Variants in ZBTB7C observed in about 807,000 individuals in gnomAD.
ZBTB7C encodes zinc finger and BTB domain containing 7C, also known as zinc finger and BTB domain-containing protein 7C.
ZBTB7C carries 8 observed loss-of-function variants against 25.7 expected under a neutral mutation model. That is an observed-to-expected ratio of 0.31 (90% CI 0.18 to 0.56). The LOEUF (loss-of-function observed/expected upper bound fraction) is 0.56. ZBTB7C is among the 20% of genes least tolerant of loss of function. The probability of loss-of-function intolerance (pLI) is 0.91; values close to 1 mark genes in which losing one functional copy is unlikely to be tolerated. For missense variants in ZBTB7C, 824 were observed against 855.2 expected, an observed-to-expected ratio of 0.96 and a Z score of 0.46; for synonymous variants, 394 against 369.0, an observed-to-expected ratio of 1.07 and a Z score of -0.78.
At chr18:48,096,778 G>A (rs775610831) in intron 3 of ZBTB7C, among the ~76,000 whole-genome samples, 11 of 152,218 alleles carry the variant, frequency 7.2e-5, no homozygotes, top group Non-Finnish European at 1.5e-4. Context: ...GCAAAGGAGT[G>A]TGGTGGGCTG....
At chr18:48,404,420 G>A (rs1240026600) in intron 1 of ZBTB7C, among the ~76,000 whole-genome samples, 1 of 152,216 alleles carries the variant, frequency 6.6e-6, no homozygotes, top group Non-Finnish European at 1.5e-5. Flanking sequence ...AGGGAGTGAA[G>A]GGGAGGTCAG....
chr18:48,189,326 G>A (rs1292893414), intron 2 of ZBTB7C, among the ~76,000 whole-genome samples: 3 of 152,182 alleles, frequency 2.0e-5, no homozygotes, highest in East Asian at 1.9e-4. Flanking sequence ...CCAAGTGAGA[G>A]TGAATAAATA....
intron 3 of ZBTB7C, among the ~76,000 whole-genome samples, chr18:48,182,121 G>A (rs1381743155): frequency 6.6e-6 from 1 of 152,150 alleles, no homozygotes; most frequent in African/African-American, 2.4e-5. Context: ...TCTGGTTGCA[G>A]GTTGAGGAAA....
At chr18:48,170,384 T>C (rs954147053) in intron 3 of ZBTB7C, among the ~76,000 whole-genome samples, 4 of 152,170 alleles carry the variant, frequency 2.6e-5, no homozygotes, top group Admixed American at 1.3e-4. Context: ...TGGCAGCCTC[T>C]CCAGAGAAGG....
chr18:48,369,736 C>A (rs766155914), intron 1 of ZBTB7C, among the ~76,000 whole-genome samples: 1 of 152,064 alleles, frequency 6.6e-6, no homozygotes, highest in African/African-American at 2.4e-5. Flanking sequence ...AATAGAGTTG[C>A]AAAATATGTG....
intron 3 of ZBTB7C, among the ~76,000 whole-genome samples, chr18:48,114,368 G>T (rs1470851412): frequency 6.6e-6 from 1 of 152,200 alleles, no homozygotes; most frequent in Non-Finnish European, 1.5e-5. Context: ...TTGGGAGGCT[G>T]AGGTGGGTGG....
At chr18:48,404,413 G>A (rs1233605148) in intron 1 of ZBTB7C, among the ~76,000 whole-genome samples, 2 of 152,184 alleles carry the variant, frequency 1.3e-5, no homozygotes, top group African/African-American at 4.8e-5. Context: ...TGGGCACAGG[G>A]AGTGAAGGGG....
intron 3 of ZBTB7C, among the ~76,000 whole-genome samples, chr18:48,055,551 A>G (rs9958955): frequency 0.57 from 86,050 of 151,784 alleles, 25,706 homozygotes; most frequent in African/African-American, 0.75. Flanking sequence ...CTGTGCAACA[A>G]TGCATCACAA....
chr18:48,348,447 A>G (rs1315092677), intron 1 of ZBTB7C, among the ~76,000 whole-genome samples: 5 of 152,180 alleles, frequency 3.3e-5, no homozygotes, highest in Admixed American at 1.3e-4. Context: ...CCTGCAGTCC[A>G]CAGTTCCCCA....
chr18:48,398,842 A>T (rs1368767784), intron 1 of ZBTB7C, among the ~76,000 whole-genome samples: 1 of 152,130 alleles, frequency 6.6e-6, no homozygotes, highest in Non-Finnish European at 1.5e-5. Flanking sequence ...TTCAACCAAA[A>T]ATTATTTATT....
chr18:48,382,385 T>C (rs1352787963), intron 1 of ZBTB7C, among the ~76,000 whole-genome samples: 2 of 152,228 alleles, frequency 1.3e-5, no homozygotes, highest in African/African-American at 2.4e-5. Flanking sequence ...CCAATATCGC[T>C]AAACTTCACT....
intron 2 of ZBTB7C, among the ~76,000 whole-genome samples, chr18:48,194,204 CACGT>C (rs1318739801): frequency 6.6e-6 from 1 of 152,192 alleles, no homozygotes; most frequent in Non-Finnish European, 1.5e-5. Flanking sequence ...TCTGCTCAGT[CACGT>C]ACATTTTATT....
At chr18:48,255,668 G>A (rs1230385665) in intron 2 of ZBTB7C, among the ~76,000 whole-genome samples, 1 of 152,110 alleles carries the variant, frequency 6.6e-6, no homozygotes, top group Non-Finnish European at 1.5e-5. Context: ...TTGTTATTTG[G>A]TTCTCTTTCC....
intron 3 of ZBTB7C, among the ~76,000 whole-genome samples, chr18:48,124,516 G>C (rs1041466000): frequency 6.6e-6 from 1 of 152,214 alleles, no homozygotes; most frequent in African/African-American, 2.4e-5. Context: ...CCAGCTGGAA[G>C]GGGGTGGGGT....
At chr18:48,031,023 G>A (rs1212126788) in intron 4 of ZBTB7C, among the ~76,000 whole-genome samples, 2 of 152,216 alleles carry the variant, frequency 1.3e-5, no homozygotes, top group Admixed American at 1.3e-4. Flanking sequence ...CTCCCTGCAG[G>A]TGTGGCTTGG....
intron 3 of ZBTB7C, among the ~76,000 whole-genome samples, chr18:48,160,961 C>T (rs1227228677): frequency 3.4e-5 from 5 of 146,138 alleles, no homozygotes; most frequent in Non-Finnish European, 6.0e-5. Context: ...TTTCCAGTGC[C>T]GGGGGAGCAG....
chr18:48,139,853 T>C (rs947612876), intron 3 of ZBTB7C, among the ~76,000 whole-genome samples: 3 of 151,964 alleles, frequency 2.0e-5, no homozygotes, highest in African/African-American at 7.3e-5. Context: ...CAGATCTGAG[T>C]GTGCATTTCC....
chr18:48,273,563 A>T (rs1372250988), intron 2 of ZBTB7C, among the ~76,000 whole-genome samples: 2 of 152,184 alleles, frequency 1.3e-5, no homozygotes, highest in Non-Finnish European at 2.9e-5. Context: ...CATAATAGTT[A>T]TTATATTTTA....
chr18:48,342,891 A>T (rs373055283), intron 1 of ZBTB7C, among the ~76,000 whole-genome samples: 8 of 152,178 alleles, frequency 5.3e-5, no homozygotes, highest in African/African-American at 1.9e-4. Context: ...AGCAGATATA[A>T]AATAAGTTCA....
Sources: gnomAD v4.1 joint callset for allele counts (sites outside exome capture counted in the v4.1 genomes callset) on GRCh38, gnomAD v4.1.1 for gene constraint, MANE v1.5 for transcripts, NCBI Gene and HGNC (gene_info 2026-07-23, HGNC 2026-07-21) for gene names.